The following CSMD2 variants were observed in gnomAD, a reference collection of about 807,000 sequenced individuals.
CSMD2 encodes CUB and sushi domain-containing protein 2.
CSMD2 carries 130 observed loss-of-function variants against 398.5 expected under a neutral mutation model. The observed-to-expected ratio is 0.33, with a 90% CI of 0.28 to 0.38. CSMD2 has a LOEUF of 0.38. Ranked by LOEUF, CSMD2 falls within the 10% of genes least tolerant of loss-of-function variation. The pLI, the probability that CSMD2 is intolerant of heterozygous loss-of-function variation, is 1.00. For missense variants in CSMD2, 3,829 were observed against 4,764.9 expected (o/e 0.80, Z 5.78); for synonymous variants, 1,828 against 1,908.5 (o/e 0.96, Z 1.10).
chr1:34,113,138 A>G (rs779261414), intron 1 of CSMD2: 1 of 152,204 alleles, frequency 6.6e-6, no homozygotes, highest in Non-Finnish European at 1.5e-5. Flanking sequence ...CATGGCTCAG[A>G]CTTCTTAACT....
chr1:34,092,542 T>C (rs1658706132), intron 1 of CSMD2, among the ~76,000 whole-genome samples: 1 of 152,122 alleles, frequency 6.6e-6, no homozygotes, highest in East Asian at 1.9e-4. Flanking sequence ...CGCAGGTCAG[T>C]GGGTGCGCGC....
At chr1:34,010,917 G>T (rs1472018238) in intron 3 of CSMD2, among the ~76,000 whole-genome samples, 1 of 152,170 alleles carries the variant, frequency 6.6e-6, no homozygotes, top group Non-Finnish European at 1.5e-5. Context: ...GAGCCACCGC[G>T]CCTGGCCAGT....
At chr1:33,723,372 C>T (rs1248385819) in intron 19 of CSMD2, among the ~76,000 whole-genome samples, 1 of 152,188 alleles carries the variant, frequency 6.6e-6, no homozygotes, top group Non-Finnish European at 1.5e-5. Flanking sequence ...AGTGTATTTG[C>T]CAAACTGCAA....
At position 33,698,930 on chromosome 1, in the gene CSMD2, T is replaced by G. The variant is rs1281286264; in HGVS notation, c.3748A>C (p.Lys1250Gln). The G allele has an allele frequency of 3.1e-6, 5 of 1,613,926 alleles. No individual in the cohort carries two copies. Among genetic ancestry groups the G allele is most frequent in the Non-Finnish European group, 3.4e-6 (4 of 1,179,886 alleles). ...TTGGGGGTTCCTGGGTCCTCACATTTGATGAGTTCAAAGCCTGGTGAGGAG... is the reference window on the plus strand; with the variant it reads ...TTGGGGGTTCCTGGGTCCTCACATTGGATGAGTTCAAAGCCTGGTGAGGAG... ...ELHFSSFELIKCEDPGTPKFG... is the reference protein window; with the variant it reads ...ELHFSSFELIQCEDPGTPKFG... Residue 1250 changes from lysine to glutamine, a missense_variant, in exon 24 of 71, where the codon AAA becomes CAA. Coordinates refer to ENST00000373381, the MANE Select transcript of CSMD2 (RefSeq NM_001281956.2).
rs149598792 is a variant in CSMD2, at chr1:33,612,415, C to A, written c.6134-1165G>T. 4.6e-3 allele frequency among the ~76,000 whole-genome samples: 703 copies of A among 152,262 alleles called. 9 individuals carry two copies. Among genetic ancestry groups the A allele is most frequent in the African/African-American group, 0.016 (656 of 41,552 alleles). ...AGAAGCAATCACATGAATTTGGAAG[C>A]TATCCTTCCAGTTCATGGTTTTGGA... On this transcript the variant is annotated intron_variant, in intron 40 of 70. Coordinates refer to ENST00000373381, the MANE Select transcript of CSMD2 (RefSeq NM_001281956.2).
intron 1 of CSMD2, among the ~76,000 whole-genome samples, chr1:34,129,584 G>A (rs528105576): frequency 3.9e-5 from 6 of 152,122 alleles, no homozygotes; most frequent in African/African-American, 7.2e-5. Flanking sequence ...CCCGGGAGGC[G>A]GAGCTTGCAG....
intron 9 of CSMD2, among the ~76,000 whole-genome samples, chr1:33,814,382 A>C (rs185845872): frequency 6.6e-6 from 1 of 152,124 alleles, no homozygotes. Flanking sequence ...TTGCCCAGTG[A>C]CCCTACCATT....
In CSMD2 at chr1:33,518,271, T is replaced by A. The variant is rs1653938941; in HGVS notation, c.*53+1194A>T. On this transcript the variant is annotated intron_variant, in intron 70 of 70. Transcript: ENST00000373381. The surrounding 1 kb of genome is among the most constrained non-coding windows in gnomAD (Gnocchi z 4.3). ...GGGGCAACTCCTGAAGGGTCATAGG[T>A]CCCAGAGGTGAGGGTGTCATCGAAG... is the stretch of plus-strand genomic sequence containing the variant. Among the ~76,000 whole-genome samples the A allele has an allele frequency of 6.6e-6, 1 of 152,158 alleles. No homozygotes were observed. Among genetic ancestry groups the A allele is most frequent in the Admixed American group, 6.5e-5 (1 of 15,280 alleles).
Position 33,633,428 on chromosome 1 carries a change from G to A in CSMD2, c.5194C>T (p.His1732Tyr). 1 of 1,551,120 alleles carries A rather than the reference G, an allele frequency of 6.4e-7. No homozygotes were observed. Among genetic ancestry groups the A allele is most frequent in the Non-Finnish European group, 8.7e-7 (1 of 1,146,764 alleles). ...SRLLSSLSGS[H>Y]TGESLPLATS... The stretch of plus-strand genomic sequence containing the variant: ...CTGGCCGAGCCCCGGATACCTGTAT[G>A]GGAGCCCGAGAGGGAGCTGAGGAGC... Residue 1732 changes from histidine to tyrosine, a missense_variant, in exon 32 of 71, where the codon CAT becomes TAT. Transcript: ENST00000373381. This position sits in a 1 kb window ranked among gnomAD's most constrained non-coding sequence, Gnocchi z 5.0.
chr1:33,700,697 C>A, intron 22 of CSMD2, 24 bp from the exon 23 acceptor site: 2 of 1,613,640 alleles, frequency 1.2e-6, no homozygotes, highest in Non-Finnish European at 1.7e-6. Flanking sequence ...AGACCCCCAA[C>A]CCAATGTCGT....
intron 12 of CSMD2, among the ~76,000 whole-genome samples, chr1:33,785,455 T>C (rs1490589850): frequency 6.6e-6 from 1 of 152,268 alleles, no homozygotes; most frequent in Non-Finnish European, 1.5e-5. Context: ...TCTGCTACTT[T>C]CCACACTTGT....
intron 9 of CSMD2, among the ~76,000 whole-genome samples, chr1:33,816,089 T>G (rs538238183): frequency 2.6e-5 from 4 of 152,248 alleles, no homozygotes; most frequent in African/African-American, 9.6e-5. Context: ...AGGAAAAAGA[T>G]CCATAGTGTT....
intron 55 of CSMD2, among the ~76,000 whole-genome samples, chr1:33,553,408 T>C (rs996939789): frequency 2.6e-5 from 4 of 152,214 alleles, no homozygotes; most frequent in African/African-American, 9.7e-5. Flanking sequence ...GAGAACTTAA[T>C]TGATAAATGT....
At chr1:33,984,645 C>T (rs538193963) in intron 3 of CSMD2, among the ~76,000 whole-genome samples, 18 of 152,096 alleles carry the variant, frequency 1.2e-4, no homozygotes, top group East Asian at 7.8e-4. Context: ...TACCCAGATA[C>T]GGTGGCATGC....
At chr1:33,743,740 C>A (rs966208125) in intron 13 of CSMD2, 134 bp from the exon 14 acceptor site, 1 of 675,324 alleles carries the variant, frequency 1.5e-6, no homozygotes, top group Non-Finnish European at 2.4e-6. Flanking sequence ...TTGGGCTGGA[C>A]TGGCTGGGCT....
chr1:33,718,842 T>A (rs1428026188), intron 19 of CSMD2, among the ~76,000 whole-genome samples: 1 of 152,266 alleles, frequency 6.6e-6, no homozygotes, highest in African/African-American at 2.4e-5. Flanking sequence ...TAGAGGCTGG[T>A]GATCCTGGAG....
At chr1:34,039,706 G>T (rs774395783) in intron 2 of CSMD2, among the ~76,000 whole-genome samples, 35 of 152,196 alleles carry the variant, frequency 2.3e-4, no homozygotes, top group Non-Finnish European at 4.3e-4. Context: ...AGAAGGAATG[G>T]GCAAGATCAG....
intron 5 of CSMD2, among the ~76,000 whole-genome samples, chr1:33,853,671 T>C (rs2125095513): frequency 6.6e-6 from 1 of 152,220 alleles, no homozygotes; most frequent in Non-Finnish European, 1.5e-5. Flanking sequence ...AGACTGCCTG[T>C]TGGCAGCAGT....
At chr1:34,005,608 A>C (rs923268645) in intron 3 of CSMD2, among the ~76,000 whole-genome samples, 5 of 152,086 alleles carry the variant, frequency 3.3e-5, no homozygotes, top group Non-Finnish European at 5.9e-5. Flanking sequence ...TCAAGCTTGA[A>C]CCTTCCTTGC....
Sources: gnomAD v4.1 joint callset for allele counts (sites outside exome capture counted in the v4.1 genomes callset) on GRCh38, gnomAD v4.1.1 for gene constraint, Gnocchi (gnomAD v3.1) non-coding constraint, MANE v1.5 for transcripts, NCBI Gene and HGNC (gene_info 2026-07-23, HGNC 2026-07-21) for gene names.